Variants in ZNF229 observed in about 807,000 individuals in gnomAD.
ZNF229 encodes zinc finger protein 229.
A neutral mutation model predicts 11.8 loss-of-function variants in ZNF229; 10 were observed. The observed-to-expected ratio is 0.85, with a 90% CI of 0.52 to 1.44. The LOEUF (loss-of-function observed/expected upper bound fraction) is 1.44, where lower values mean the gene tolerates loss of function less well. ZNF229 is among the 40% of genes most tolerant of loss of function. ZNF229 has a pLI of 0.00. For synonymous variants in ZNF229, 368 were observed against 374.8 expected, an observed-to-expected ratio of 0.98 and a Z score of 0.21; for missense variants, 1,045 against 1,015.1, an observed-to-expected ratio of 1.03 and a Z score of -0.40.
At chr19:44,444,985 G>A (rs2571166) in intron 2 of ZNF229, among the ~76,000 whole-genome samples, 12,281 of 152,190 alleles carry the variant, frequency 0.081, 685 homozygotes, top group East Asian at 0.28. Context: ...TCTACACACT[G>A]ATGACTCCAT....
chr19:44,426,308 T>A lies in ZNF229; in HGVS notation c.*1995A>T, dbSNP rs1295559412. ...AAGGGATTGTTCCATCAGGCTAATT[T>A]ATAAAAAATAGCTCTACTGTTATTA... On this transcript the variant is annotated 3_prime_UTR_variant, in exon 6 of 6. Transcript: ENST00000614049. 2 of 152,178 alleles carry A rather than the reference T, an allele frequency of 1.3e-5. No individual in the cohort carries two copies. Among genetic ancestry groups the A allele is most frequent in the African/African-American group, 4.8e-5 (2 of 41,412 alleles). The allele number at this position is 152,178 out of a possible 1,614,324, so 9.4% of individuals were successfully genotyped here. A position where few individuals can be genotyped will look rare whatever the true frequency, so the allele number is the denominator to read the frequency against.
rs950937797 is a variant in ZNF229 at position 44,427,232 on chromosome 19, T to C, written c.*1071A>G. On this transcript the variant is annotated 3_prime_UTR_variant, in exon 6 of 6. Transcript: ENST00000614049. ...AAGAGCCAAACCATATCAGACTGTTTCTACAACCCCCCCCCCCGCCCCCAC... is the reference window on the plus strand; with the variant it reads ...AAGAGCCAAACCATATCAGACTGTTCCTACAACCCCCCCCCCCGCCCCCAC... 3.0e-5 allele frequency: 4 copies of C among 132,262 alleles called. No homozygotes were observed. The highest frequency in any genetic ancestry group is 4.8e-5 in the Non-Finnish European group (3 of 62,962). The allele number at this position is 132,262 out of a possible 1,614,324, so 8.2% of individuals were successfully genotyped here.
In ZNF229 at chr19:44,442,987, A is replaced by G; in HGVS notation, c.-140T>C. 1 of 1,023,008 alleles carries G rather than the reference A, an allele frequency of 9.8e-7. No homozygotes were observed. The highest frequency in any genetic ancestry group is 1.5e-6 in the Non-Finnish European group (1 of 672,028). 63.4% of individuals were successfully genotyped at this position (1,023,008 alleles called of 1,614,324 possible). On this transcript the variant is annotated 5_prime_UTR_variant, in exon 3 of 6. Coordinates refer to ENST00000614049, the MANE Select transcript of ZNF229 (RefSeq NM_014518.4). The stretch of plus-strand genomic sequence containing the variant: ...CTGACAAGTTCCTGTCTCCACCTTT[A>G]CTGTCCAGAGCGCGACTGCTTCCCA...
Position 44,428,781 on chromosome 19 carries a change from C to T in ZNF229, c.2000G>A (p.Cys667Tyr). 1.9e-6 allele frequency: 3 copies of T among 1,613,268 alleles called. No individual in the cohort carries two copies. Among genetic ancestry groups the T allele is most frequent in the South Asian group, 2.2e-5 (2 of 90,996 alleles). The change falls in exon 6 of 6, where the codon TGC (cysteine) becomes TAC (tyrosine). Residue 667 changes from cysteine to tyrosine, a missense_variant. By Grantham distance (194) the Cys-to-Tyr change is radical. Coordinates refer to ENST00000614049, the MANE Select transcript of ZNF229 (RefSeq NM_014518.4). ...CTGATGTTTGTGAAGGCTTGATGTG[C>T]ACCTAAAGCCCTTTCCGCACTCTTG... ...RCQECGKGFR[C>Y]TSSLHKHQRV...
intron 5 of ZNF229, 59 bp from the exon 6 acceptor site, chr19:44,430,601 C>T: frequency 6.9e-7 from 1 of 1,453,488 alleles, no homozygotes; most frequent in Non-Finnish European, 9.2e-7. Flanking sequence ...TCAGGGACAT[C>T]AGACTTTCAG....
At chr19:44,430,617 AACT>A (rs1303867929) in intron 5 of ZNF229, 75 bp from the exon 6 acceptor site, 1 of 1,371,720 alleles carries the variant, frequency 7.3e-7, no homozygotes, top group Non-Finnish European at 9.8e-7. Context: ...TTCAGACTTG[AACT>A]AATAATAGCC....
intron 4 of ZNF229, among the ~76,000 whole-genome samples, chr19:44,441,820 G>A (rs568012592): frequency 6.6e-6 from 1 of 152,298 alleles, no homozygotes; most frequent in African/African-American, 2.4e-5. Context: ...CCAGAATAAG[G>A]AGAACTTCTA....
At chr19:44,442,157 G>A (rs1297545633) in intron 4 of ZNF229, among the ~76,000 whole-genome samples, 1 of 149,058 alleles carries the variant, frequency 6.7e-6, no homozygotes. Context: ...GTATACTTTT[G>A]GTAGGGTCTA....
chr19:44,442,570 A>G lies in ZNF229; in HGVS notation c.86T>C (p.Met29Thr), dbSNP rs1971931504. Residue 29 changes from methionine (M) to threonine (T), a missense_variant, in exon 4 of 6, where the codon ATG becomes ACG. Met to Thr is a moderately conservative substitution (Grantham distance 81). Coordinates refer to ENST00000614049, the MANE Select transcript of ZNF229 (RefSeq NM_014518.4). ...AISQDREEKI[M>T]SQEPLSFKDV... ...GAAAAGAAAACAACCCACCTGAGAC[A>G]TGATCTTCTCCTCCCTATCTTGGGA... 6.2e-7 allele frequency: 1 copy of G among 1,614,038 alleles called. No homozygotes were observed.
Position 44,429,140 on chromosome 19 carries a change from G to C in ZNF229, c.1641C>G (p.Cys547Trp). ...RLHTGEKPYK[C>W]ECGKSFGRSS... Reference sequence around the variant, plus strand: ...TCCGGCCAAAGCTCTTCCCGCACTCGCATTTGTAGGGTTTCTCTCCTGTGT... The same window carrying C: ...TCCGGCCAAAGCTCTTCCCGCACTCCCATTTGTAGGGTTTCTCTCCTGTGT... The change falls in exon 6 of 6, where the codon TGC becomes TGG. Residue 547 changes from cysteine to tryptophan, a missense_variant. Transcript: ENST00000614049. 6.2e-7 allele frequency: 1 copy of C among 1,612,656 alleles called. No individual in the cohort carries two copies. Among genetic ancestry groups the C allele is most frequent in the South Asian group, 1.1e-5 (1 of 90,998 alleles).
rs1396028804 is a variant in ZNF229, at chr19:44,429,709, AC to A, written c.1071del (p.Phe358SerfsTer462). On this transcript the variant is annotated frameshift_variant, in exon 6 of 6. Transcript: ENST00000614049. LOFTEE classifies it low-confidence loss of function (END_TRUNC). ...MPYRCDVCGK[G>X]FRYKSVLLIH... ...ATAAGAAGAACCGATTTATACCTGA[AC>A]CCCTTTCCACAGACATCACATCTAT... 6.2e-7 allele frequency: 1 copy of A among 1,613,758 alleles called. No homozygotes were observed. The highest frequency in any genetic ancestry group is 8.5e-7 in the Non-Finnish European group (1 of 1,180,006).
rs563039470 is a variant in ZNF229, at chr19:44,428,166, T to C, written c.*137A>G. 8 of 958,238 alleles carry C rather than the reference T, an allele frequency of 8.3e-6. No individual in the cohort carries two copies. The highest frequency in any genetic ancestry group is 1.6e-5 in the African/African-American group (1 of 60,658). 59.4% of individuals were successfully genotyped at this position (958,238 alleles called of 1,614,324 possible). ...ATCACACATCCAGGTGTTCCCTTCC[T>C]ATGCAGACTAGAAAATGTAAAATCA... is the stretch of plus-strand genomic sequence containing the variant. On this transcript the variant is annotated 3_prime_UTR_variant, in exon 6 of 6. Transcript: ENST00000614049.
intron 2 of ZNF229, among the ~76,000 whole-genome samples, chr19:44,443,634 C>T (rs1230493529): frequency 6.6e-6 from 1 of 152,262 alleles, no homozygotes; most frequent in Non-Finnish European, 1.5e-5. Flanking sequence ...TTTATTAATA[C>T]ATTCAATATA....
rs1971700438 is a variant in ZNF229 at position 44,430,427 on chromosome 19, C to T, written c.354G>A (p.Gly118=). 1 of 1,614,136 alleles carries T rather than the reference C, an allele frequency of 6.2e-7. No homozygotes were observed. The highest frequency in any genetic ancestry group is 1.3e-5 in the African/African-American group (1 of 74,986). The stretch of plus-strand genomic sequence containing the variant: ...GCAGATTTACTCTACAGTCTTGGCT[C>T]CCAGGTAATTCACCTGCCACCTCTT... ...IWEEVAGELP[G]SQDCRVNLQG... The change falls in exon 6 of 6, where the codon GGG becomes GGA. Residue 118 remains glycine (G), a synonymous_variant. Transcript: ENST00000614049.
chr19:44,432,401 A>G, intron 4 of ZNF229, 35 bp from the exon 5 acceptor site: 1 of 1,605,468 alleles, frequency 6.2e-7, no homozygotes, highest in Admixed American at 1.7e-5. Context: ...AACATCTACT[A>G]GATGAAGACA....
chr19:44,442,909 A>C lies in ZNF229; in HGVS notation c.-62T>G, dbSNP rs1471888365. 30 of 1,592,384 alleles carry C rather than the reference A, an allele frequency of 1.9e-5. No homozygotes were observed. The highest frequency in any genetic ancestry group is 2.5e-5 in the Non-Finnish European group (29 of 1,160,608). On this transcript the variant is annotated 5_prime_UTR_variant, in exon 3 of 6. Coordinates refer to ENST00000614049, the MANE Select transcript of ZNF229 (RefSeq NM_014518.4). Reference sequence around the variant, plus strand: ...CTGTATTTATTCTCTGGTTTTCCTAAGCTGGAGACGCAGAAGATCCAGGCC... The same window carrying C: ...CTGTATTTATTCTCTGGTTTTCCTACGCTGGAGACGCAGAAGATCCAGGCC...
At chr19:44,445,988 C>A (rs1971997165) in intron 2 of ZNF229, among the ~76,000 whole-genome samples, 1 of 152,286 alleles carries the variant, frequency 6.6e-6, no homozygotes, top group East Asian at 1.9e-4. Context: ...CAGACAACGA[C>A]TCTGTGCTCA....
Position 44,428,959 on chromosome 19 carries a change from C to A in ZNF229, c.1822G>T (p.Gly608Cys), listed in dbSNP as rs1414332386. Residue 608 changes from glycine (G) to cysteine (C), a missense_variant, in exon 6 of 6, where the codon GGT becomes TGT. Transcript: ENST00000614049. ...RPYVCDVCGK[G>C]FIYSSDLLIH... is the part of the protein sequence containing the mutation. ...AGGAGGTCGGAGCTGTAGATGAAACCCTTCCCACACACGTCACACACGTAG... is the reference window on the plus strand; with the variant it reads ...AGGAGGTCGGAGCTGTAGATGAAACACTTCCCACACACGTCACACACGTAG... 4 of 1,612,676 alleles carry A rather than the reference C, an allele frequency of 2.5e-6. No homozygotes were observed. Among genetic ancestry groups the A allele is most frequent in the Non-Finnish European group, 3.4e-6 (4 of 1,179,710 alleles).
At chr19:44,434,257 T>C (rs1971774244) in intron 4 of ZNF229, among the ~76,000 whole-genome samples, 1 of 152,180 alleles carries the variant, frequency 6.6e-6, no homozygotes, top group Non-Finnish European at 1.5e-5. Context: ...TCTGCCAGAA[T>C]GATGGTTCTT....
Sources: allele counts gnomAD v4.1 joint callset (sites outside exome capture counted in the v4.1 genomes callset), GRCh38; gene constraint gnomAD v4.1.1; transcripts MANE v1.5; gene names NCBI Gene and HGNC (gene_info 2026-07-23, HGNC 2026-07-21).